B4GALT5: variants seen among roughly 807,000 people sequenced by gnomAD.
B4GALT5 encodes beta-1,4-galactosyltransferase 5.
A neutral mutation model predicts 45.0 loss-of-function variants in B4GALT5; 11 were observed. That is an observed-to-expected ratio of 0.24 (90% CI 0.15 to 0.40). The LOEUF (loss-of-function observed/expected upper bound fraction) is 0.40. Ranked by LOEUF, B4GALT5 falls within the 10% of genes least tolerant of loss-of-function variation. The pLI is 1.00. For missense variants in B4GALT5, 337 were observed against 500.2 expected, an observed-to-expected ratio of 0.67 and a Z score of 3.11; for synonymous variants, 185 against 182.9, an observed-to-expected ratio of 1.01 and a Z score of -0.09.
chr20:49,695,546 G>C (rs1314722272), intron 1 of B4GALT5, among the ~76,000 whole-genome samples: 2 of 152,054 alleles, frequency 1.3e-5, no homozygotes, highest in African/African-American at 2.4e-5. Context: ...CGAGTAGCTG[G>C]GATTACAAGC....
chr20:49,693,581 AG>A (rs745769228), intron 1 of B4GALT5, among the ~76,000 whole-genome samples: 31 of 152,344 alleles, frequency 2.0e-4, no homozygotes, highest in Non-Finnish European at 3.7e-4. Context: ...CTAATAGGGA[AG>A]CTCTCTACAT....
intron 1 of B4GALT5, among the ~76,000 whole-genome samples, chr20:49,711,146 T>C (rs1305165355): frequency 6.6e-6 from 1 of 152,146 alleles, no homozygotes; most frequent in African/African-American, 2.4e-5. Context: ...CCTTTTTTTA[T>C]TGTTCCCCTT....
chr20:49,664,014 C>T (rs1404225832), intron 1 of B4GALT5, among the ~76,000 whole-genome samples: 1 of 151,988 alleles, frequency 6.6e-6, no homozygotes, highest in Non-Finnish European at 1.5e-5. Context: ...TGCACCACCC[C>T]ACAAATTACA....
At chr20:49,677,685 G>A (rs1032769822) in intron 1 of B4GALT5, among the ~76,000 whole-genome samples, 5 of 152,064 alleles carry the variant, frequency 3.3e-5, no homozygotes, top group African/African-American at 7.2e-5. Context: ...AATAAGGATC[G>A]TACTCCCCCA....
chr20:49,656,025 T>C (rs1165567147), intron 2 of B4GALT5, among the ~76,000 whole-genome samples: 1 of 151,988 alleles, frequency 6.6e-6, no homozygotes, highest in Non-Finnish European at 1.5e-5. Context: ...TGCTGAAATG[T>C]AATCCCCAAT....
At chr20:49,641,887 G>A (rs757633030) in intron 5 of B4GALT5, among the ~76,000 whole-genome samples, 46 of 151,882 alleles carry the variant, frequency 3.0e-4, no homozygotes, top group Non-Finnish European at 6.5e-4. Context: ...GAAAACCACA[G>A]TAGGACAGTC....
intron 1 of B4GALT5, among the ~76,000 whole-genome samples, chr20:49,696,298 G>C (rs1206875915): frequency 2.0e-5 from 3 of 152,032 alleles, no homozygotes; most frequent in Non-Finnish European, 4.4e-5. Context: ...ATCAAAGAAA[G>C]AAAAAAACTA....
intron 1 of B4GALT5, among the ~76,000 whole-genome samples, chr20:49,688,042 G>A (rs997806393): frequency 2.6e-5 from 4 of 152,106 alleles, no homozygotes; most frequent in African/African-American, 9.7e-5. Flanking sequence ...CTAGGTGCCA[G>A]GAAGGAGGCT....
At chr20:49,688,632 A>G (rs1396307201) in intron 1 of B4GALT5, among the ~76,000 whole-genome samples, 1 of 152,188 alleles carries the variant, frequency 6.6e-6, no homozygotes, top group Non-Finnish European at 1.5e-5. Context: ...AGGCATGCCA[A>G]AAGATAGGAC....
At chr20:49,703,583 C>T (rs985662110) in intron 1 of B4GALT5, among the ~76,000 whole-genome samples, 6 of 152,064 alleles carry the variant, frequency 3.9e-5, no homozygotes, top group African/African-American at 1.4e-4. Flanking sequence ...GCATTAAATG[C>T]TTTTATTTAA....
At chr20:49,670,504 A>C (rs1360919659) in intron 1 of B4GALT5, among the ~76,000 whole-genome samples, 3 of 152,148 alleles carry the variant, frequency 2.0e-5, no homozygotes, top group African/African-American at 7.2e-5. Flanking sequence ...AGAGATCTTC[A>C]TGCCTTAGCT....
chr20:49,666,848 A>C (rs2085692832), intron 1 of B4GALT5, among the ~76,000 whole-genome samples: 1 of 152,240 alleles, frequency 6.6e-6, no homozygotes, highest in African/African-American at 2.4e-5. Context: ...CAAGCAGATG[A>C]TCAGTGTTCA....
rs6019953 is a variant in B4GALT5 at position 49,652,497 on chromosome 20, T to C, written c.250+4071A>G. On this transcript the variant is annotated intron_variant, in intron 2 of 8. Transcript: ENST00000371711. ...AAAGGATGACTACCTACTGGGAGGG[T>C]AGCCACATCGAAGACTACAGACTGG... is the stretch of plus-strand genomic sequence containing the variant. 4.2e-3 allele frequency among the ~76,000 whole-genome samples: 633 copies of C among 150,790 alleles called. 4 individuals carry two copies. The highest frequency in any genetic ancestry group is 0.015 in the African/African-American group (605 of 41,064).
At chr20:49,657,285 C>T (rs372986463) in intron 1 of B4GALT5, among the ~76,000 whole-genome samples, 219 of 152,286 alleles carry the variant, frequency 1.4e-3, no homozygotes, top group African/African-American at 5.2e-3. Context: ...TCACTATCCA[C>T]CCATCCCAGC....
chr20:49,673,440 T>C (rs1367158954), intron 1 of B4GALT5, among the ~76,000 whole-genome samples: 1 of 151,016 alleles, frequency 6.6e-6, no homozygotes, highest in African/African-American at 2.4e-5. Context: ...AATTCCAGAA[T>C]GTAGGACATG....
chr20:49,661,139 CA>C (rs2085663148), intron 1 of B4GALT5, among the ~76,000 whole-genome samples: 1 of 152,146 alleles, frequency 6.6e-6, no homozygotes, highest in Admixed American at 6.5e-5. Flanking sequence ...TCAAGTCCTC[CA>C]GGGGGTAATT....
rs1225316961 is a variant in B4GALT5, at chr20:49,684,767, G to A, written c.116-28065C>T. 3.3e-5 allele frequency among the ~76,000 whole-genome samples: 5 copies of A among 152,314 alleles called. No homozygotes were observed. In the South Asian group the frequency reaches 1.0e-3, roughly 32 times the overall value. Reference sequence around the variant, plus strand: ...TCCCCAGAGAACAGAGGTGGCATGCGGTAGGATTAGAGTTTCACTCAGCTA... The same window carrying A: ...TCCCCAGAGAACAGAGGTGGCATGCAGTAGGATTAGAGTTTCACTCAGCTA... On this transcript the variant is annotated intron_variant, in intron 1 of 8. Coordinates refer to ENST00000371711, the MANE Select transcript of B4GALT5 (RefSeq NM_004776.4).
intron 1 of B4GALT5, among the ~76,000 whole-genome samples, chr20:49,704,739 CAAAAAAAAA>C (rs1568736090): frequency 6.0e-5 from 9 of 149,732 alleles, no homozygotes; most frequent in African/African-American, 1.5e-4. Context: ...CAAAAAAAAA[CAAAAAAAAA>C]CCACAACATT....
intron 5 of B4GALT5, 35 bp from the exon 6 acceptor site, chr20:49,640,700 T>G: frequency 6.5e-7 from 1 of 1,550,288 alleles, no homozygotes; most frequent in South Asian, 1.2e-5. Flanking sequence ...TAAAAGAATC[T>G]TGAAGGAAAA....
Sources: allele counts gnomAD v4.1 joint callset (sites outside exome capture counted in the v4.1 genomes callset), GRCh38; gene constraint gnomAD v4.1.1; transcripts MANE v1.5; gene names NCBI Gene and HGNC (gene_info 2026-07-23, HGNC 2026-07-21).